Variants in KCTD16 observed in about 807,000 individuals in gnomAD.
The protein encoded by KCTD16 is potassium channel tetramerization domain containing 16.
Under a neutral mutation model 33.2 loss-of-function variants are expected in KCTD16, and 13 were observed. That is an observed-to-expected ratio of 0.39 (90% CI 0.25 to 0.62). The LOEUF is 0.62. Ranked by LOEUF, KCTD16 falls within the 20% of genes least tolerant of loss-of-function variation. The probability of loss-of-function intolerance (pLI) is 0.50; values close to 1 mark genes in which losing one functional copy is unlikely to be tolerated. For missense variants in KCTD16, 441 were observed against 525.1 expected, an observed-to-expected ratio of 0.84 and a Z score of 1.57; for synonymous variants, 197 against 195.3, an observed-to-expected ratio of 1.01 and a Z score of -0.07.
At chr5:144,361,728 AT>A (rs992122588) in intron 3 of KCTD16, among the ~76,000 whole-genome samples, 1 of 152,198 alleles carries the variant, frequency 6.6e-6, no homozygotes, top group Non-Finnish European at 1.5e-5. Flanking sequence ...AACAGATAAC[AT>A]TTAGAAATCT....
intron 3 of KCTD16, among the ~76,000 whole-genome samples, chr5:144,304,809 A>T (rs1207902102): frequency 6.6e-6 from 1 of 152,078 alleles, no homozygotes; most frequent in African/African-American, 2.4e-5. Flanking sequence ...TGTGCACTGC[A>T]GGTCTGTCAC....
chr5:144,388,138 G>A (rs1580923402), intron 3 of KCTD16, among the ~76,000 whole-genome samples: 2 of 131,264 alleles, frequency 1.5e-5, no homozygotes. Context: ...GGAGTGCAGT[G>A]GCGGGATATC....
Position 144,207,335 on chromosome 5 carries a change from A to C in KCTD16, c.621A>C (p.Glu207Asp), listed in dbSNP as rs932967948. Reference sequence around the variant, plus strand: ...CCTTGGCAAAAGAAGTCTTTGGAGAAACTTTGAATGAAAGCAGAGACCCTG... The same window carrying C: ...CCTTGGCAAAAGAAGTCTTTGGAGACACTTTGAATGAAAGCAGAGACCCTG... The part of the protein sequence containing the change: ...RISLAKEVFG[E>D]TLNESRDPDR... Residue 207 changes from glutamate to aspartate, a missense_variant, in exon 3 of 4, where the codon GAA (glutamate) becomes GAC (aspartate). Glu to Asp is a conservative substitution (Grantham distance 45). This residue lies in a region of KCTD16 where 355 missense variants were observed against 413.0 expected (regional missense o/e 0.86). Transcript: ENST00000512467. The C allele has an allele frequency of 6.2e-7, 1 of 1,614,094 alleles. No homozygotes were observed. The highest frequency in any genetic ancestry group is 8.5e-7 in the Non-Finnish European group (1 of 1,180,040).
chr5:144,275,595 G>C (rs1397248126), intron 3 of KCTD16, among the ~76,000 whole-genome samples: 1 of 151,966 alleles, frequency 6.6e-6, no homozygotes, highest in Non-Finnish European at 1.5e-5. Context: ...GACACCACAG[G>C]GTCCTTCTAA....
chr5:144,193,343 C>T (rs1318532947), intron 2 of KCTD16, among the ~76,000 whole-genome samples: 1 of 152,148 alleles, frequency 6.6e-6, no homozygotes, highest in Non-Finnish European at 1.5e-5. Context: ...TGGGATCCAA[C>T]TTGCTGGCTT....
chr5:144,211,895 C>T (rs1171042835), intron 3 of KCTD16, among the ~76,000 whole-genome samples: 1 of 152,098 alleles, frequency 6.6e-6, no homozygotes, highest in Non-Finnish European at 1.5e-5. Flanking sequence ...TGAGTCATGT[C>T]TGCTCTCCAG....
intron 2 of KCTD16, among the ~76,000 whole-genome samples, chr5:144,189,885 T>C (rs951173297): frequency 2.0e-5 from 3 of 152,098 alleles, no homozygotes; most frequent in African/African-American, 7.2e-5. Context: ...CTTTAAAGAG[T>C]TTATGTGGCC....
rs1032029734 is a variant in KCTD16 at position 144,187,330 on chromosome 5, T to G, written c.-327+12858T>G. 3.9e-5 allele frequency among the ~76,000 whole-genome samples: 6 copies of G among 152,294 alleles called. No individual in the cohort carries two copies. In the East Asian group the frequency reaches 1.2e-3, roughly 29 times the overall value. Reference sequence around the variant, plus strand: ...GTAATATTTTAGTCTTCATTTTCTATTCATTCCTAGCACTGCCTTTCTATT... The same window carrying G: ...GTAATATTTTAGTCTTCATTTTCTAGTCATTCCTAGCACTGCCTTTCTATT... On this transcript the variant is annotated intron_variant, in intron 2 of 3. Coordinates refer to ENST00000512467, the MANE Select transcript of KCTD16 (RefSeq NM_020768.4).
At chr5:144,448,205 T>G (rs1327668986) in intron 3 of KCTD16, among the ~76,000 whole-genome samples, 1 of 152,106 alleles carries the variant, frequency 6.6e-6, no homozygotes, top group Non-Finnish European at 1.5e-5. Flanking sequence ...CAAATGACTA[T>G]TCACCTGATA....
At chr5:144,285,604 C>G (rs191867255) in intron 3 of KCTD16, among the ~76,000 whole-genome samples, 86 of 152,270 alleles carry the variant, frequency 5.6e-4, no homozygotes, top group African/African-American at 2.0e-3. Flanking sequence ...TACTGTGGGT[C>G]TTTCACTGGG....
intron 3 of KCTD16, among the ~76,000 whole-genome samples, chr5:144,379,724 A>G (rs929195282): frequency 6.6e-6 from 1 of 152,168 alleles, no homozygotes; most frequent in African/African-American, 2.4e-5. Context: ...ACCAAATAAG[A>G]TCATCCATGC....
chr5:144,230,162 A>T (rs1262175626), intron 3 of KCTD16, among the ~76,000 whole-genome samples: 6 of 151,978 alleles, frequency 3.9e-5, no homozygotes, highest in Non-Finnish European at 7.4e-5. Context: ...ACAAAACAAA[A>T]TCAGCAGTGC....
chr5:144,451,702 G>A (rs928959139), intron 3 of KCTD16, among the ~76,000 whole-genome samples: 3 of 152,062 alleles, frequency 2.0e-5, no homozygotes, highest in Admixed American at 6.6e-5. Context: ...AAGTCTTTCA[G>A]TTTGATTTAT....
At chr5:144,288,049 T>C (rs185022824) in intron 3 of KCTD16, among the ~76,000 whole-genome samples, 38 of 152,326 alleles carry the variant, frequency 2.5e-4, no homozygotes, top group African/African-American at 7.5e-4. Flanking sequence ...CAGGTATTTA[T>C]TGAAGGTGCA....
rs1754692303 is a variant in KCTD16, at chr5:144,480,867, GTACCATA to G, written c.*6757_*6763del. On this transcript the variant is annotated 3_prime_UTR_variant, in exon 4 of 4. Coordinates refer to ENST00000512467, the MANE Select transcript of KCTD16 (RefSeq NM_020768.4). Reference sequence around the variant, plus strand: ...AATTTGTCAAGGCATTTTTTTTTCTGTACCATATACGGGAAGTCTTCCAGGTCAATAA... The same window carrying G: ...AATTTGTCAAGGCATTTTTTTTTCTGTACGGGAAGTCTTCCAGGTCAATAA... 6.6e-6 allele frequency: 1 copy of G among 151,382 alleles called. No homozygotes were observed. The highest frequency in any genetic ancestry group is 2.1e-4 in the South Asian group (1 of 4,818). 9.4% of individuals were successfully genotyped at this position (151,382 alleles called of 1,614,324 possible).
rs539383912 is a variant in KCTD16 at position 144,291,436 on chromosome 5, A to T, written c.832+83890A>T. Reference sequence around the variant, plus strand: ...TTCTCTTTAGAACTCAGCATATACTACTAATATGGCACACAACATATTATT... The same window carrying T: ...TTCTCTTTAGAACTCAGCATATACTTCTAATATGGCACACAACATATTATT... On this transcript the variant is annotated intron_variant, in intron 3 of 3. Coordinates refer to ENST00000512467, the MANE Select transcript of KCTD16 (RefSeq NM_020768.4). 3.3e-5 allele frequency among the ~76,000 whole-genome samples: 5 copies of T among 152,336 alleles called. 1 individual carries two copies. In the South Asian group the frequency reaches 1.0e-3, roughly 32 times the overall value.
At chr5:144,354,929 A>G (rs961580546) in intron 3 of KCTD16, among the ~76,000 whole-genome samples, 15 of 152,210 alleles carry the variant, frequency 9.9e-5, no homozygotes, top group African/African-American at 3.1e-4. Context: ...ATTATAGCTA[A>G]TAATAGCTAA....
At chr5:144,336,718 A>G (rs1752502759) in intron 3 of KCTD16, among the ~76,000 whole-genome samples, 1 of 152,136 alleles carries the variant, frequency 6.6e-6, no homozygotes, top group African/African-American at 2.4e-5. Context: ...CAGAGTTCCA[A>G]GAAAGAAAGT....
chr5:144,322,500 A>C (rs1019374437), intron 3 of KCTD16, among the ~76,000 whole-genome samples: 1 of 150,372 alleles, frequency 6.7e-6, no homozygotes, highest in African/African-American at 2.5e-5. Flanking sequence ...ATTTACCATC[A>C]CAGAAAAAAC....
Sources: gnomAD v4.1 joint callset for allele counts (sites outside exome capture counted in the v4.1 genomes callset) on GRCh38, gnomAD v4.1.1 for gene constraint, gnomAD v4.1.1 regional missense constraint, MANE v1.5 for transcripts, NCBI Gene and HGNC (gene_info 2026-07-23, HGNC 2026-07-21) for gene names.